RORA: variants seen among roughly 807,000 people sequenced by gnomAD.
RORA encodes the protein nuclear receptor ROR-alpha.
A neutral mutation model predicts 69.5 loss-of-function variants in RORA; 7 were observed. The observed-to-expected ratio is 0.10, with a 90% CI of 0.06 to 0.19. The LOEUF (loss-of-function observed/expected upper bound fraction) is 0.19, where lower values mean the gene tolerates loss of function less well. Among genes scored for constraint, RORA ranks in the 10% least tolerant of loss-of-function variants. The probability of loss-of-function intolerance (pLI) is 1.00; values close to 1 mark genes in which losing one functional copy is unlikely to be tolerated. For synonymous variants in RORA, 261 were observed against 240.8 expected, an observed-to-expected ratio of 1.08 and a Z score of -0.78; for missense variants, 457 against 663.0, an observed-to-expected ratio of 0.69 and a Z score of 3.41.
At chr15:60,561,059 T>G (rs2067527559) in intron 2 of RORA, among the ~76,000 whole-genome samples, 1 of 140,478 alleles carries the variant, frequency 7.1e-6, no homozygotes, top group Non-Finnish European at 1.5e-5. Context: ...AACTTGTGTT[T>G]TTTTTTTTTT....
chr15:61,144,014 T>C lies in RORA; in HGVS notation c.166+85039A>G, dbSNP rs137873047. On this transcript the variant is annotated intron_variant, in intron 1 of 10. Transcript: ENST00000335670. ...AAGAGGCAAAAGTATCTGCAACTAA[T>C]ATGTTAGATAAAAGGCTAATTTCTC... Among the ~76,000 whole-genome samples the C allele has an allele frequency of 3.1e-3, 468 of 152,296 alleles. 17 individuals carry two copies. In the East Asian group the frequency reaches 0.064, roughly 21 times the overall value.
chr15:60,969,074 T>C (rs1268700041), intron 1 of RORA, among the ~76,000 whole-genome samples: 1 of 152,222 alleles, frequency 6.6e-6, no homozygotes, highest in Non-Finnish European at 1.5e-5. Flanking sequence ...TTGGCAGGAC[T>C]ATCTCAGTAG....
At chr15:60,899,089 T>C (rs1222660443) in intron 1 of RORA, among the ~76,000 whole-genome samples, 2 of 152,218 alleles carry the variant, frequency 1.3e-5, no homozygotes, top group Non-Finnish European at 2.9e-5. Flanking sequence ...TGCAGACCAC[T>C]AGGGGTTGTT....
chr15:60,717,796 CTTTTTTTTTTTTT>C (rs10653856), intron 1 of RORA, among the ~76,000 whole-genome samples: 1 of 91,974 alleles, frequency 1.1e-5, no homozygotes, highest in African/African-American at 4.2e-5. Flanking sequence ...TTCTTTTTCT[CTTTTTTTTTTTTT>C]TTTTTTTTGA....
intron 1 of RORA, among the ~76,000 whole-genome samples, chr15:60,700,616 A>G (rs113374230): frequency 6.6e-6 from 1 of 152,196 alleles, no homozygotes; most frequent in African/African-American, 2.4e-5. Flanking sequence ...CATCAGCAAT[A>G]AACGTTTCCC....
intron 3 of RORA, among the ~76,000 whole-genome samples, chr15:60,518,121 C>T (rs1186633913): frequency 1.3e-5 from 2 of 152,210 alleles, no homozygotes; most frequent in Non-Finnish European, 2.9e-5. Flanking sequence ...ACCTCGGTCC[C>T]CCAAGTAGCT....
At chr15:60,745,092 G>C (rs2071629164) in intron 1 of RORA, among the ~76,000 whole-genome samples, 1 of 152,240 alleles carries the variant, frequency 6.6e-6, no homozygotes, top group South Asian at 2.1e-4. Flanking sequence ...TCTTGGGAGT[G>C]CTTCATTCAT....
chr15:61,095,670 G>A (rs891586177), intron 1 of RORA, among the ~76,000 whole-genome samples: 41 of 152,298 alleles, frequency 2.7e-4, no homozygotes, highest in Non-Finnish European at 1.3e-4. Context: ...AGAACCCTTT[G>A]CTTAAGCAAA....
intron 2 of RORA, among the ~76,000 whole-genome samples, chr15:60,648,152 C>T (rs1278296084): frequency 6.6e-6 from 1 of 152,216 alleles, no homozygotes; most frequent in African/African-American, 2.4e-5. Context: ...TGCAAGTGAG[C>T]ACGTAGGTGC....
chr15:61,102,139 A>G (rs1272392440), intron 1 of RORA, among the ~76,000 whole-genome samples: 1 of 152,104 alleles, frequency 6.6e-6, no homozygotes, highest in African/African-American at 2.4e-5. Flanking sequence ...GGCCCGTGTC[A>G]TTGCCCCACT....
intron 2 of RORA, among the ~76,000 whole-genome samples, chr15:60,576,825 C>T (rs776848226): frequency 6.6e-6 from 1 of 152,234 alleles, no homozygotes; most frequent in Non-Finnish European, 1.5e-5. Context: ...AAGGTGCCTA[C>T]ATTCATGACA....
At chr15:60,858,086 A>T (rs183137408) in intron 1 of RORA, among the ~76,000 whole-genome samples, 1 of 152,312 alleles carries the variant, frequency 6.6e-6, no homozygotes, top group African/African-American at 2.4e-5. Context: ...TGCTATGAGG[A>T]TTAATTGAAG....
intron 1 of RORA, among the ~76,000 whole-genome samples, chr15:61,007,262 A>T (rs1398729569): frequency 6.6e-6 from 1 of 152,188 alleles, no homozygotes; most frequent in African/African-American, 2.4e-5. Flanking sequence ...GAGGTTCAAA[A>T]TGGAAATGAC....
chr15:61,121,760 C>T (rs2079106883), intron 1 of RORA, among the ~76,000 whole-genome samples: 1 of 150,478 alleles, frequency 6.6e-6, no homozygotes. Flanking sequence ...CAATTCAGAA[C>T]ACACACCCAT....
intron 1 of RORA, among the ~76,000 whole-genome samples, chr15:60,935,241 C>T (rs1892486743): frequency 1.3e-5 from 2 of 152,212 alleles, no homozygotes; most frequent in African/African-American, 4.8e-5. Flanking sequence ...ACCCATTTGC[C>T]TGTAATTGGC....
chr15:61,051,275 G>A (rs746728255), intron 1 of RORA, among the ~76,000 whole-genome samples: 17 of 152,122 alleles, frequency 1.1e-4, no homozygotes, highest in Non-Finnish European at 2.4e-4. Context: ...GTACATTTTG[G>A]AGTGGGAACA....
chr15:61,022,400 G>C (rs976321240), intron 1 of RORA, among the ~76,000 whole-genome samples: 1 of 152,200 alleles, frequency 6.6e-6, no homozygotes, highest in Non-Finnish European at 1.5e-5. Context: ...AGGTACCGCA[G>C]GAAGATAAGT....
At chr15:60,927,471 A>G (rs1892251026) in intron 1 of RORA, among the ~76,000 whole-genome samples, 3 of 152,142 alleles carry the variant, frequency 2.0e-5, no homozygotes, top group Admixed American at 1.3e-4. Flanking sequence ...ACTACAGGGG[A>G]ACATAAAAAC....
At chr15:60,975,625 G>C (rs916122968) in intron 1 of RORA, among the ~76,000 whole-genome samples, 2 of 152,140 alleles carry the variant, frequency 1.3e-5, no homozygotes, top group African/African-American at 4.8e-5. Flanking sequence ...CCTCTCCCTC[G>C]GAGGCTAAGC....
Sources: allele counts gnomAD v4.1 joint callset (sites outside exome capture counted in the v4.1 genomes callset), GRCh38; gene constraint gnomAD v4.1.1; transcripts MANE v1.5; gene names NCBI Gene and HGNC (gene_info 2026-07-23, HGNC 2026-07-21).